The following EPB41L4A variants were observed in gnomAD, a reference collection of about 807,000 sequenced individuals.
EPB41L4A encodes band 4.1-like protein 4A.
In EPB41L4A, 100 loss-of-function variants were observed where a neutral mutation model predicts 108.6. The ratio of observed to expected loss-of-function variants is 0.92; its 90% CI spans 0.78 to 1.09. The LOEUF is 1.09. EPB41L4A is among the 50% of genes least tolerant of loss of function. The pLI is 0.00. For synonymous variants in EPB41L4A, 319 were observed against 289.0 expected (o/e 1.10, Z -1.05); for missense variants, 1,030 against 842.7 (o/e 1.22, Z -2.75).
intron 2 of EPB41L4A, among the ~76,000 whole-genome samples, chr5:112,299,973 T>A (rs2150561149): frequency 6.6e-6 from 1 of 152,222 alleles, no homozygotes; most frequent in East Asian, 1.9e-4. Flanking sequence ...TGCCTGCTTG[T>A]TTTTGGTGTC....
intron 9 of EPB41L4A, among the ~76,000 whole-genome samples, chr5:112,252,650 A>C (rs1438949478): frequency 6.6e-6 from 1 of 152,070 alleles, no homozygotes; most frequent in African/African-American, 2.4e-5. Context: ...TAAACATTGA[A>C]TACACATGAA....
chr5:112,344,281 T>C (rs1757503446), intron 1 of EPB41L4A, among the ~76,000 whole-genome samples: 1 of 152,214 alleles, frequency 6.6e-6, no homozygotes. Context: ...ACTCAACATC[T>C]ACATGTGGCT....
At chr5:112,228,448 G>A (rs1371544935) in intron 12 of EPB41L4A, 2 of 152,504 alleles carry the variant, frequency 1.3e-5, no homozygotes, top group East Asian at 1.9e-4. Context: ...CCCTTCCACA[G>A]AGGCAGAATG....
intron 2 of EPB41L4A, among the ~76,000 whole-genome samples, chr5:112,280,872 T>C (rs1752924388): frequency 6.6e-6 from 1 of 152,218 alleles, no homozygotes; most frequent in Non-Finnish European, 1.5e-5. Flanking sequence ...CTTAGAGCCA[T>C]GTCTCTTCCT....
At chr5:112,339,026 G>A (rs1204237482) in intron 1 of EPB41L4A, among the ~76,000 whole-genome samples, 1 of 32,182 alleles carries the variant, frequency 3.1e-5, no homozygotes, top group African/African-American at 1.0e-4. Context: ...AAAAGAAAGT[G>A]ACAGGGTGGG....
chr5:112,299,391 G>C (rs563653561), intron 2 of EPB41L4A, among the ~76,000 whole-genome samples: 1 of 152,096 alleles, frequency 6.6e-6, no homozygotes, highest in East Asian at 1.9e-4. Flanking sequence ...TGGTCTGAGA[G>C]AGTACTTGAT....
chr5:112,406,798 C>G (rs1193328846), intron 1 of EPB41L4A, among the ~76,000 whole-genome samples: 1 of 152,012 alleles, frequency 6.6e-6, no homozygotes, highest in Non-Finnish European at 1.5e-5. Context: ...AAAAAAGAAC[C>G]AAGAGAAAAA....
At chr5:112,364,572 C>G (rs1450468383) in intron 1 of EPB41L4A, among the ~76,000 whole-genome samples, 1 of 152,130 alleles carries the variant, frequency 6.6e-6, no homozygotes, top group Non-Finnish European at 1.5e-5. Flanking sequence ...GGCAAGGGGG[C>G]TTTCTTATTT....
chr5:112,183,922 C>G, intron 18 of EPB41L4A, 94 bp downstream of exon 18: 1 of 1,388,892 alleles, frequency 7.2e-7, no homozygotes, highest in East Asian at 2.3e-5. Flanking sequence ...TGAAATAATC[C>G]TAGTTGAACT....
intron 1 of EPB41L4A, among the ~76,000 whole-genome samples, chr5:112,365,941 G>A (rs59638853): frequency 0.012 from 1,830 of 152,308 alleles, 40 homozygotes; most frequent in African/African-American, 0.041. Flanking sequence ...AGGTAAGAAT[G>A]TTAGCCTTTA....
chr5:112,302,158 C>T (rs1459026390), intron 2 of EPB41L4A, among the ~76,000 whole-genome samples: 1 of 152,060 alleles, frequency 6.6e-6, no homozygotes, highest in Non-Finnish European at 1.5e-5. Flanking sequence ...TCTACTAAAA[C>T]TTACAAAATT....
chr5:112,340,093 C>A (rs566624426), intron 1 of EPB41L4A, among the ~76,000 whole-genome samples: 2 of 152,092 alleles, frequency 1.3e-5, no homozygotes, highest in Non-Finnish European at 2.9e-5. Context: ...AGAAAAGTCA[C>A]GGAGGAGAGC....
At chr5:112,260,581 A>G (rs975073178) in intron 7 of EPB41L4A, among the ~76,000 whole-genome samples, 3 of 152,210 alleles carry the variant, frequency 2.0e-5, no homozygotes, top group African/African-American at 7.2e-5. Flanking sequence ...AATTTTTTGA[A>G]GTCTCTATCA....
intron 1 of EPB41L4A, among the ~76,000 whole-genome samples, chr5:112,322,699 GACACAC>G (rs111502535): frequency 4.7e-4 from 69 of 145,958 alleles, no homozygotes; most frequent in African/African-American, 1.3e-3. Flanking sequence ...TCCACTATGA[GACACAC>G]ACACACACAC....
chr5:112,307,928 TAAC>T (rs1248079549), intron 1 of EPB41L4A, among the ~76,000 whole-genome samples: 1 of 152,144 alleles, frequency 6.6e-6, no homozygotes, highest in East Asian at 1.9e-4. Flanking sequence ...TATATAAAAC[TAAC>T]AATAGTCAAA....
At chr5:112,278,251 T>C (rs937333881) in intron 3 of EPB41L4A, among the ~76,000 whole-genome samples, 1 of 102,570 alleles carries the variant, frequency 9.7e-6, no homozygotes, top group Admixed American at 1.1e-4. Context: ...TTACTATACA[T>C]CAATTTTTTT....
intron 12 of EPB41L4A, among the ~76,000 whole-genome samples, chr5:112,155,264 C>T (rs1414235473): frequency 1.3e-5 from 2 of 151,962 alleles, no homozygotes; most frequent in African/African-American, 4.8e-5. Context: ...AGGACCACAA[C>T]ATCACAAAAC....
chr5:112,213,868 T>C (rs1229251207), intron 12 of EPB41L4A, among the ~76,000 whole-genome samples: 1 of 152,200 alleles, frequency 6.6e-6, no homozygotes, highest in Non-Finnish European at 1.5e-5. Flanking sequence ...ATGTTTTAGT[T>C]TTATGTCACT....
At chr5:112,190,209 T>C (rs1220716944) in intron 17 of EPB41L4A, among the ~76,000 whole-genome samples, 2 of 152,202 alleles carry the variant, frequency 1.3e-5, no homozygotes, top group African/African-American at 4.8e-5. Flanking sequence ...AGTTTAGGCA[T>C]TTTAGTTTTT....
Sources: gnomAD v4.1 joint callset for allele counts (sites outside exome capture counted in the v4.1 genomes callset) on GRCh38, gnomAD v4.1.1 for gene constraint, MANE v1.5 for transcripts, NCBI Gene and HGNC (gene_info 2026-07-23, HGNC 2026-07-21) for gene names.